Variants in MICAL2 observed in about 807,000 individuals in gnomAD.
MICAL2 encodes the protein microtubule associated monooxygenase, calponin and LIM domain containing 2, also known as [F-actin]-monooxygenase MICAL2.
In MICAL2, 77 loss-of-function variants were observed where a neutral mutation model predicts 127.3. The ratio of observed to expected loss-of-function variants is 0.60; its 90% CI spans 0.50 to 0.73. The LOEUF (loss-of-function observed/expected upper bound fraction) is 0.73. Ranked by LOEUF, MICAL2 falls within the 30% of genes least tolerant of loss-of-function variation. MICAL2 has a pLI of 0.00. For synonymous variants in MICAL2, 570 were observed against 551.1 expected, an observed-to-expected ratio of 1.03 and a Z score of -0.48; for missense variants, 1,351 against 1,434.4, an observed-to-expected ratio of 0.94 and a Z score of 0.94.
intron 32 of MICAL2, among the ~76,000 whole-genome samples, chr11:12,338,276 C>G (rs1311725273): frequency 2.0e-5 from 3 of 151,994 alleles, no homozygotes; most frequent in Admixed American, 2.0e-4. Flanking sequence ...AGGCTTGCAA[C>G]CCCTGCCTTT....
intron 32 of MICAL2, among the ~76,000 whole-genome samples, chr11:12,339,662 A>G (rs1165508362): frequency 6.6e-6 from 1 of 152,102 alleles, no homozygotes; most frequent in African/African-American, 2.4e-5. Context: ...TTTTCCTTCT[A>G]ACAGTCAGGA....
chr11:12,242,441 C>T lies in MICAL2; in HGVS notation c.2556+9C>T. On this transcript the variant is annotated intron_variant, in intron 19 of 27. Coordinates refer to ENST00000683283, the MANE Select transcript of MICAL2 (RefSeq NM_001282663.2). ...AGGAAAAGATTCTCCAGGTGAGAGA[C>T]TCACTTTTTGCCCGTCTCTGTCCGT... 1.3e-6 allele frequency: 2 copies of T among 1,593,522 alleles called. No individual in the cohort carries two copies. Among genetic ancestry groups the T allele is most frequent in the Non-Finnish European group, 8.6e-7 (1 of 1,167,896 alleles).
At chr11:12,343,771 A>G (rs1938909000) in intron 32 of MICAL2, among the ~76,000 whole-genome samples, 1 of 152,216 alleles carries the variant, frequency 6.6e-6, no homozygotes, top group Non-Finnish European at 1.5e-5. Context: ...GTATAATGTT[A>G]GATACGAGGA....
chr11:12,315,775 C>T (rs994081895), intron 29 of MICAL2, among the ~76,000 whole-genome samples: 4 of 152,218 alleles, frequency 2.6e-5, no homozygotes, highest in Middle Eastern at 3.4e-3. Context: ...GTGTACAAGT[C>T]GCATACTCTT....
At chr11:12,218,390 A>T (rs1202785171) in intron 8 of MICAL2, among the ~76,000 whole-genome samples, 1 of 152,006 alleles carries the variant, frequency 6.6e-6, no homozygotes, top group Admixed American at 6.6e-5. Flanking sequence ...CCCTCCAGCC[A>T]CTAAGAGACT....
intron 3 of MICAL2, among the ~76,000 whole-genome samples, chr11:12,180,349 A>ATATATTT (rs11403732): frequency 3.6e-5 from 5 of 139,704 alleles, no homozygotes; most frequent in South Asian, 2.3e-4. Flanking sequence ...ATATGTATAT[A>ATATATTT]TTTTTTTTTT....
intron 29 of MICAL2, among the ~76,000 whole-genome samples, chr11:12,307,414 C>CA (rs1333399309): frequency 6.6e-6 from 1 of 152,124 alleles, no homozygotes; most frequent in African/African-American, 2.4e-5. Flanking sequence ...TTTCAAAGAG[C>CA]AGAACTTTTT....
intron 32 of MICAL2, among the ~76,000 whole-genome samples, chr11:12,331,164 C>T (rs1864423815): frequency 6.6e-6 from 1 of 152,126 alleles, no homozygotes; most frequent in Non-Finnish European, 1.5e-5. Context: ...GTGTTACATA[C>T]TAGGGGCATG....
At chr11:12,223,052 T>G (rs943556812) in intron 11 of MICAL2, among the ~76,000 whole-genome samples, 1 of 152,222 alleles carries the variant, frequency 6.6e-6, no homozygotes, top group Non-Finnish European at 1.5e-5. Flanking sequence ...CCAAATATGA[T>G]CTCTGCATAC....
At chr11:12,293,880 C>T, downstream of MICAL2, 7 of 1,610,294 alleles carry the variant, frequency 4.3e-6, no homozygotes, top group Non-Finnish European at 5.9e-6. Flanking sequence ...TCTCCCTTGG[C>T]TGGAGAAGAC....
At chr11:12,251,460 G>A (rs1019480811) in intron 22 of MICAL2, among the ~76,000 whole-genome samples, 1 of 151,666 alleles carries the variant, frequency 6.6e-6, no homozygotes, top group African/African-American at 2.4e-5. Flanking sequence ...TTTCCCTGTG[G>A]CCTCTCAAAG....
chr11:12,341,213 C>T (rs1388751306), intron 32 of MICAL2, among the ~76,000 whole-genome samples: 2 of 152,170 alleles, frequency 1.3e-5, no homozygotes, highest in Non-Finnish European at 2.9e-5. Flanking sequence ...TTGAGAGTTC[C>T]TGCTCCACTT....
intron 15 of MICAL2, among the ~76,000 whole-genome samples, chr11:12,233,532 A>G (rs1330043618): frequency 1.3e-5 from 2 of 152,268 alleles, no homozygotes; most frequent in Non-Finnish European, 2.9e-5. Flanking sequence ...CTCGGGCAGT[A>G]TGGGAACATG....
intron 29 of MICAL2, among the ~76,000 whole-genome samples, chr11:12,307,669 G>A (rs1251824547): frequency 6.6e-6 from 1 of 152,112 alleles, no homozygotes; most frequent in Admixed American, 6.6e-5. Flanking sequence ...TGTTGTTGTT[G>A]TTTGCCCAGA....
At chr11:12,293,801 A>G (rs535275040), downstream of MICAL2, 7 of 1,605,340 alleles carry the variant, frequency 4.4e-6, no homozygotes, top group Middle Eastern at 1.7e-4. Context: ...TCTTGGGGAC[A>G]TCGGAAGCAA....
At chr11:12,243,658 C>A (rs1375785628) in intron 20 of MICAL2, among the ~76,000 whole-genome samples, 1 of 152,228 alleles carries the variant, frequency 6.6e-6, no homozygotes, top group Non-Finnish European at 1.5e-5. Flanking sequence ...CCTAAGCTCG[C>A]AGCTGCTACT....
At chr11:12,185,384 A>G (rs920783703) in intron 3 of MICAL2, among the ~76,000 whole-genome samples, 2 of 152,140 alleles carry the variant, frequency 1.3e-5, no homozygotes, top group Middle Eastern at 3.2e-3. Flanking sequence ...ACGTATACAC[A>G]TTGGCCATTC....
At chr11:12,134,929 A>T (rs28603104) in intron 1 of MICAL2, among the ~76,000 whole-genome samples, 30,382 of 152,174 alleles carry the variant, frequency 0.2, 3,489 homozygotes, top group South Asian at 0.34. Context: ...ACAGCATGTG[A>T]CCTCCAGCAT....
rs146366739 is a variant in MICAL2 at position 12,226,340 on chromosome 11, C to A, written c.1858C>A (p.Leu620Ile). 6.0e-5 allele frequency: 97 copies of A among 1,613,986 alleles called. No homozygotes were observed. The highest frequency in any genetic ancestry group is 5.0e-5 in the Admixed American group (3 of 60,004). The change falls in exon 14 of 28, where the codon CTC becomes ATC. Residue 620 changes from leucine (L) to isoleucine (I), a missense_variant. Around this residue, in one of 2 missense-constraint regions of MICAL2, gnomAD observed 752 missense variants for 719.4 expected, o/e 1.05. Transcript: ENST00000683283. ...CATGTACCTCTCCAAGTTCTACGAG[C>A]TCTTCCGGGGCACCCCACTGAGGCC... ...MVMYLSKFYE[L>I]FRGTPLRPVD...
Sources: gnomAD v4.1 joint callset for allele counts (sites outside exome capture counted in the v4.1 genomes callset) on GRCh38, gnomAD v4.1.1 for gene constraint, gnomAD v4.1.1 regional missense constraint, MANE v1.5 for transcripts, NCBI Gene and HGNC (gene_info 2026-07-23, HGNC 2026-07-21) for gene names.